Variants in LAMB3 observed in about 807,000 individuals in gnomAD.
LAMB3 encodes the protein laminin subunit beta-3.
A neutral mutation model predicts 140.3 loss-of-function variants in LAMB3; 104 were observed. The ratio of observed to expected loss-of-function variants is 0.74; its 90% CI spans 0.63 to 0.87. LAMB3 has a LOEUF of 0.87. Among genes scored for constraint, LAMB3 ranks in the 40% least tolerant of loss-of-function variants. LAMB3 has a pLI of 0.00. For missense variants in LAMB3, 1,531 were observed against 1,575.2 expected, an observed-to-expected ratio of 0.97 and a Z score of 0.47; for synonymous variants, 592 against 602.9, an observed-to-expected ratio of 0.98 and a Z score of 0.26.
chr1:209,616,403 G>T, intron 22 of LAMB3, 68 bp downstream of exon 22: 2 of 1,578,042 alleles, frequency 1.3e-6, no homozygotes, highest in Non-Finnish European at 1.7e-6. Flanking sequence ...GGCTTCAGAA[G>T]CCTTGGGTTG....
rs775872328 is a variant in LAMB3, at chr1:209,618,667, A to AC, written c.2702-9dup. On this transcript the variant is annotated splice_polypyrimidine_tract_variant and intron_variant, in intron 18 of 22. Coordinates refer to ENST00000356082, the MANE Select transcript of LAMB3 (RefSeq NM_000228.3). ...CTGCATCAGTGTCGGGGTCTGGAAG[A>AC]CAACACGCATTTGACTGTAGGAGCC... 41 of 1,474,334 alleles carry AC rather than the reference A, an allele frequency of 2.8e-5. No individual in the cohort carries two copies. The South Asian group carries it at 4.5e-4, about 16-fold the overall frequency. 91.3% of individuals were successfully genotyped at this position (1,474,334 alleles called of 1,614,324 possible). A position where few individuals can be genotyped will look rare whatever the true frequency, so the allele number is the denominator to read the frequency against.
At chr1:209,624,883 GAA>G (rs1666362535) in intron 14 of LAMB3, among the ~76,000 whole-genome samples, 1 of 69,456 alleles carries the variant, frequency 1.4e-5, no homozygotes, top group Non-Finnish European at 3.0e-5. Flanking sequence ...AGAGAGAGAG[GAA>G]GGAAGGAAGG....
At chr1:209,639,137 A>G (rs1351384321) in intron 3 of LAMB3, among the ~76,000 whole-genome samples, 1 of 152,182 alleles carries the variant, frequency 6.6e-6, no homozygotes, top group Non-Finnish European at 1.5e-5. Context: ...GAGGACAAGG[A>G]AATGTGGAGT....
chr1:209,617,288 T>C (rs1666002542), intron 21 of LAMB3, 122 bp downstream of exon 21: 1 of 1,143,006 alleles, frequency 8.7e-7, no homozygotes, highest in East Asian at 2.3e-5. Context: ...CTCAAGCCTC[T>C]TCTGGTTCTG....
In LAMB3 at chr1:209,634,455, C is replaced by G. The variant is rs747286969; in HGVS notation, c.556G>C (p.Gly186Arg). Reference sequence around the variant, plus strand: ...GGATTCCCTCTACCTACCTTCCCCCCATTTAGGCGTGCATTAGGCCTCTGA... The same window carrying G: ...GGATTCCCTCTACCTACCTTCCCCCGATTTAGGCGTGCATTAGGCCTCTGA... The part of the protein sequence containing the change: ...LPQRPNARLN[G>R]GKVQLNLMDL... The change falls in exon 6 of 23, where the codon GGG (glycine) becomes CGG (arginine). Residue 186 changes from glycine (G) to arginine (R), a missense_variant. Coordinates refer to ENST00000356082, the MANE Select transcript of LAMB3 (RefSeq NM_000228.3). 53 of 1,613,948 alleles carry G rather than the reference C, an allele frequency of 3.3e-5. No homozygotes were observed. Among genetic ancestry groups the G allele is most frequent in the Non-Finnish European group, 4.2e-5 (50 of 1,180,000 alleles).
At chr1:209,648,713 T>A (rs1180530406) in intron 3 of LAMB3, among the ~76,000 whole-genome samples, 8 of 151,892 alleles carry the variant, frequency 5.3e-5, no homozygotes, top group Non-Finnish European at 8.8e-5. Context: ...GTCTCTGACC[T>A]CTCCTTGCCT....
chr1:209,627,313 G>A, intron 12 of LAMB3, 70 bp downstream of exon 12: 1 of 1,278,670 alleles, frequency 7.8e-7, no homozygotes, highest in Non-Finnish European at 1.1e-6. Context: ...GCATGGAGGG[G>A]CAGCAGAGAG....
chr1:209,617,846 C>T, intron 20 of LAMB3, 61 bp downstream of exon 20: 2 of 1,607,458 alleles, frequency 1.2e-6, no homozygotes, highest in Non-Finnish European at 1.7e-6. Context: ...TTTTCTATGC[C>T]TGGTGCCCAA....
At chr1:209,619,266 C>G (rs1425342419) in intron 18 of LAMB3, among the ~76,000 whole-genome samples, 2 of 152,206 alleles carry the variant, frequency 1.3e-5, no homozygotes, top group African/African-American at 4.8e-5. Flanking sequence ...ACTTGCACCA[C>G]CCATGTGCCA....
intron 19 of LAMB3, 28 bp downstream of exon 19, chr1:209,618,424 G>A (rs1197536926): frequency 1.2e-6 from 2 of 1,608,528 alleles, no homozygotes; most frequent in Non-Finnish European, 1.7e-6. Context: ...ATCCTGGGCA[G>A]AGAGAAGTTC....
chr1:209,634,730 G>C (rs895155314), intron 5 of LAMB3, 92 bp from the exon 6 acceptor site: 27 of 1,054,300 alleles, frequency 2.6e-5, no homozygotes, highest in South Asian at 1.3e-5. Context: ...CAGTGAACTC[G>C]GGAGAAAGGG....
At position 209,628,339 on chromosome 1, in the gene LAMB3, C is replaced by A. The variant is rs1455784849; in HGVS notation, c.1133-149G>T. 7 of 836,530 alleles carry A rather than the reference C, an allele frequency of 8.4e-6. No homozygotes were observed. The African/African-American group carries it at 1.0e-4, about 12-fold the overall frequency. The allele number at this position is 836,530 out of a possible 1,614,324, so 51.8% of individuals were successfully genotyped here. On this transcript the variant is annotated intron_variant, in intron 10 of 22. Transcript: ENST00000356082. ...AGTCAAGTTACTTAATCCCTCTGTG[C>A]CTCAATTTCCTTGTCTATAAAATAA...
chr1:209,622,870 G>A (rs1666254619), intron 17 of LAMB3, 112 bp downstream of exon 17: 2 of 1,386,662 alleles, frequency 1.4e-6, no homozygotes, highest in Middle Eastern at 2.1e-4. Context: ...ACCTTAAGCA[G>A]GTCACCTAAA....
intron 3 of LAMB3, among the ~76,000 whole-genome samples, chr1:209,639,573 C>T (rs1488071060): frequency 6.6e-6 from 1 of 152,120 alleles, no homozygotes; most frequent in Non-Finnish European, 1.5e-5. Flanking sequence ...GCCAGAGAGG[C>T]GATATATCCC....
At chr1:209,625,601 C>G (rs1666405357) in intron 14 of LAMB3, 47 bp downstream of exon 14, 1 of 1,612,340 alleles carries the variant, frequency 6.2e-7, no homozygotes, top group Non-Finnish European at 8.5e-7. Context: ...GTACTGGAAC[C>G]CCTGGAGCAT....
chr1:209,633,213 T>C (rs774078567), intron 6 of LAMB3, 80 bp from the exon 7 acceptor site: 26 of 1,025,664 alleles, frequency 2.5e-5, no homozygotes, highest in Non-Finnish European at 3.9e-5. Context: ...TTTCTTTCCA[T>C]TATATGCCTC....
chr1:209,615,126 T>A lies in LAMB3; in HGVS notation c.*145A>T, dbSNP rs1665903086. 1.1e-6 allele frequency: 1 copy of A among 942,440 alleles called. No individual in the cohort carries two copies. Among genetic ancestry groups the A allele is most frequent in the South Asian group, 1.5e-5 (1 of 65,260 alleles). The allele number at this position is 942,440 out of a possible 1,614,324, so 58.4% of individuals were successfully genotyped here. On this transcript the variant is annotated 3_prime_UTR_variant, in exon 23 of 23. Coordinates refer to ENST00000356082, the MANE Select transcript of LAMB3 (RefSeq NM_000228.3). Reference sequence around the variant, plus strand: ...GCTCAGCTGCAGCTCAGGGTAATCTTACTAGCTACACACCAGGGGTGGTCC... The same window carrying A: ...GCTCAGCTGCAGCTCAGGGTAATCTAACTAGCTACACACCAGGGGTGGTCC...
Position 209,630,019 on chromosome 1 carries a change from T to G in LAMB3, c.944-94A>C, listed in dbSNP as rs1027138963. The G allele has an allele frequency of 6.6e-6, 8 of 1,213,602 alleles. No individual in the cohort carries two copies. In the African/African-American group the frequency reaches 1.2e-4, roughly 18 times the overall value. The allele number at this position is 1,213,602 out of a possible 1,614,324, so 75.2% of individuals were successfully genotyped here. A position where few individuals can be genotyped will look rare whatever the true frequency, so the allele number is the denominator to read the frequency against. On this transcript the variant is annotated intron_variant, in intron 9 of 22. Coordinates refer to ENST00000356082, the MANE Select transcript of LAMB3 (RefSeq NM_000228.3). ...AAAGCTCACTGGCATCTGTAACAAC[T>G]CTGCAAGATGATCAAGGCAGGGAAG...
At chr1:209,616,317 C>A (rs1665960072) in intron 22 of LAMB3, among the ~76,000 whole-genome samples, 154 bp downstream of exon 22, 2 of 152,186 alleles carry the variant, frequency 1.3e-5, no homozygotes, top group Admixed American at 6.5e-5. Context: ...CATTCCCCAG[C>A]CTCATACATG....
Sources: allele counts gnomAD v4.1 joint callset (sites outside exome capture counted in the v4.1 genomes callset), GRCh38; gene constraint gnomAD v4.1.1; transcripts MANE v1.5; gene names NCBI Gene and HGNC (gene_info 2026-07-23, HGNC 2026-07-21).